The following HDGFL2 variants were observed in gnomAD, a reference collection of about 807,000 sequenced individuals.
The protein encoded by HDGFL2 is hepatoma-derived growth factor-related protein 2.
Under a neutral mutation model 77.1 loss-of-function variants are expected in HDGFL2, and 36 were observed. The ratio of observed to expected loss-of-function variants is 0.47; its 90% CI spans 0.36 to 0.62. The LOEUF (loss-of-function observed/expected upper bound fraction) is 0.62. Ranked by LOEUF, HDGFL2 falls within the 20% of genes least tolerant of loss-of-function variation. HDGFL2 has a pLI of 0.00. For missense variants in HDGFL2, 976 were observed against 973.4 expected (o/e 1.00, Z -0.04); for synonymous variants, 463 against 413.1 (o/e 1.12, Z -1.46).
At chr19:4,496,552 G>C in intron 10 of HDGFL2, 147 bp downstream of exon 10, 1 of 675,838 alleles carries the variant, frequency 1.5e-6, no homozygotes, top group Non-Finnish European at 2.6e-6. Flanking sequence ...GGTTGTGTGG[G>C]CTGCGTAGGA....
At chr19:4,474,298 C>T (rs906214222) in intron 1 of HDGFL2, among the ~76,000 whole-genome samples, 2 of 152,102 alleles carry the variant, frequency 1.3e-5, no homozygotes, top group African/African-American at 4.8e-5. Context: ...GATGGGTGGG[C>T]CTCGGAGGAC....
intron 3 of HDGFL2, among the ~76,000 whole-genome samples, chr19:4,480,848 CTTATTTTTTATTATTTT>C (rs933371983): frequency 6.6e-6 from 1 of 151,804 alleles, no homozygotes; most frequent in Non-Finnish European, 1.5e-5. Flanking sequence ...CCTCAGTTTC[CTTATTTTTTATTATTTT>C]TTATTTTTTT....
intron 3 of HDGFL2, among the ~76,000 whole-genome samples, chr19:4,487,618 A>G (rs1183540058): frequency 6.6e-6 from 1 of 152,110 alleles, no homozygotes; most frequent in Non-Finnish European, 1.5e-5. Context: ...ACGATTTGGA[A>G]TTGTCTGTGT....
intron 8 of HDGFL2, 24 bp downstream of exon 8, chr19:4,494,081 C>T (rs749059063): frequency 1.9e-6 from 3 of 1,560,204 alleles, no homozygotes; most frequent in Non-Finnish European, 2.6e-6. Context: ...CTGGGGTCCC[C>T]TCTGGCGGCT....
chr19:4,487,121 C>T (rs754913111), intron 3 of HDGFL2, among the ~76,000 whole-genome samples: 8 of 151,976 alleles, frequency 5.3e-5, no homozygotes, highest in East Asian at 1.9e-4. Flanking sequence ...CCCGCCACCA[C>T]GCCTGGCTAA....
chr19:4,473,712 G>T (rs1975002233), intron 1 of HDGFL2, among the ~76,000 whole-genome samples: 1 of 151,322 alleles, frequency 6.6e-6, no homozygotes, highest in Non-Finnish European at 1.5e-5. Context: ...ATGGGGCTCG[G>T]GGCTCTGTTC....
chr19:4,502,080 A>C lies in HDGFL2; in HGVS notation c.*70A>C. On this transcript the variant is annotated 3_prime_UTR_variant, in exon 16 of 16. Coordinates refer to ENST00000616600, the MANE Select transcript of HDGFL2 (RefSeq NM_001001520.3). ...CCTCTCCTTCCCCGGCTCGCAGGAGAGCAGAGCAGAGAACTGTGGGGAACG... is the reference window on the plus strand; with the variant it reads ...CCTCTCCTTCCCCGGCTCGCAGGAGCGCAGAGCAGAGAACTGTGGGGAACG... 1 of 1,089,480 alleles carries C rather than the reference A, an allele frequency of 9.2e-7. No homozygotes were observed. Among genetic ancestry groups the C allele is most frequent in the Non-Finnish European group, 1.4e-6 (1 of 739,218 alleles). The allele number at this position is 1,089,480 out of a possible 1,614,324, so 67.5% of individuals were successfully genotyped here. A position where few individuals can be genotyped will look rare whatever the true frequency, so the allele number is the denominator to read the frequency against.
At position 4,502,200 on chromosome 19, in the gene HDGFL2, T is replaced by C; in HGVS notation, c.*190T>C. 5 of 670,814 alleles carry C rather than the reference T, an allele frequency of 7.5e-6. No individual in the cohort carries two copies. Among genetic ancestry groups the C allele is most frequent in the Non-Finnish European group, 1.3e-5 (5 of 375,976 alleles). The allele number at this position is 670,814 out of a possible 1,614,324, so 41.6% of individuals were successfully genotyped here. On this transcript the variant is annotated 3_prime_UTR_variant, in exon 16 of 16. Coordinates refer to ENST00000616600, the MANE Select transcript of HDGFL2 (RefSeq NM_001001520.3). Reference sequence around the variant, plus strand: ...GAAATGACTATAAATGGTTTTTTAATGAAAAAAGAAATCACTTTTATTGGC... The same window carrying C: ...GAAATGACTATAAATGGTTTTTTAACGAAAAAAGAAATCACTTTTATTGGC...
intron 6 of HDGFL2, among the ~76,000 whole-genome samples, chr19:4,492,721 GGT>G (rs1036713696): frequency 1.8e-4 from 25 of 139,628 alleles, no homozygotes; most frequent in African/African-American, 6.0e-4. Flanking sequence ...TGTGGTGTGT[GGT>G]GTGTGTGGTG....
intron 4 of HDGFL2, among the ~76,000 whole-genome samples, chr19:4,489,317 G>C (rs1202436813): frequency 6.7e-6 from 1 of 150,360 alleles, no homozygotes; most frequent in African/African-American, 2.4e-5. Flanking sequence ...GCAGTGGCAC[G>C]ATCTTGGCTC....
At chr19:4,483,880 C>G (rs142953057) in intron 3 of HDGFL2, among the ~76,000 whole-genome samples, 10 of 148,698 alleles carry the variant, frequency 6.7e-5, no homozygotes, top group African/African-American at 1.0e-4. Flanking sequence ...ACCTCTGCCT[C>G]TCGTGTTCAA....
Position 4,502,055 on chromosome 19 carries a change from C to T in HDGFL2, c.*45C>T, listed in dbSNP as rs941283567. The T allele has an allele frequency of 9.0e-6, 12 of 1,334,196 alleles. No homozygotes were observed. Among genetic ancestry groups the T allele is most frequent in the East Asian group, 2.5e-5 (1 of 39,920 alleles). The allele number at this position is 1,334,196 out of a possible 1,614,324, so 82.6% of individuals were successfully genotyped here. On this transcript the variant is annotated 3_prime_UTR_variant, in exon 16 of 16. Transcript: ENST00000616600. ...AGCCCCCGCCCGAGCTCAGGCTGCCCCTCTCCTTCCCCGGCTCGCAGGAGA... is the reference window on the plus strand; with the variant it reads ...AGCCCCCGCCCGAGCTCAGGCTGCCTCTCTCCTTCCCCGGCTCGCAGGAGA...
intron 14 of HDGFL2, among the ~76,000 whole-genome samples, chr19:4,500,040 A>G (rs1040270366): frequency 2.7e-4 from 1 of 3,756 alleles, no homozygotes; most frequent in African/African-American, 8.8e-4. Flanking sequence ...CAGCGGGGGC[A>G]AAGAGTGGGG....
chr19:4,478,527 C>G (rs977672242), intron 3 of HDGFL2, among the ~76,000 whole-genome samples: 1 of 151,822 alleles, frequency 6.6e-6, no homozygotes, highest in Admixed American at 6.6e-5. Context: ...ACAGCCTTAG[C>G]GCAACTACTA....
intron 4 of HDGFL2, 76 bp downstream of exon 4, chr19:4,488,952 C>CTT (rs34663282): frequency 0.035 from 24,368 of 697,824 alleles, 421 homozygotes; most frequent in African/African-American, 0.1. Context: ...CTCTCCTGCC[C>CTT]TTTTTTTTTT....
intron 3 of HDGFL2, among the ~76,000 whole-genome samples, chr19:4,482,240 C>G (rs1052413236): frequency 6.6e-6 from 1 of 150,950 alleles, no homozygotes; most frequent in Non-Finnish European, 1.5e-5. Flanking sequence ...GATGGAGTCT[C>G]GCTCTGTTGC....
rs1369649320 is a variant in HDGFL2, at chr19:4,488,720, C to A, written c.333C>A (p.Ala111=). ...GCGAGGCCCCCGAGGCCAACCCCGC[C>A]GACGGCAGTGACGCTGACGAGGACG... ...SDSEAPEANP[A]DGSDADEDDE... is the part of the protein sequence containing the mutation. Residue 111 remains alanine, a synonymous_variant, in exon 4 of 16, where the codon GCC becomes GCA. Coordinates refer to ENST00000616600, the MANE Select transcript of HDGFL2 (RefSeq NM_001001520.3). 8 of 1,553,294 alleles carry A rather than the reference C, an allele frequency of 5.2e-6. No homozygotes were observed. The highest frequency in any genetic ancestry group is 1.2e-5 in the South Asian group (1 of 84,328).
intron 3 of HDGFL2, among the ~76,000 whole-genome samples, chr19:4,485,119 A>G (rs181791977): frequency 2.2e-4 from 33 of 152,194 alleles, no homozygotes; most frequent in Admixed American, 7.9e-4. Flanking sequence ...GATATTTTCA[A>G]CGCTTCACAA....
chr19:4,472,341 C>T lies in HDGFL2; in HGVS notation c.-10C>T. Reference sequence around the variant, plus strand: ...GCCGCTTTCCGCGGCCTGGGCCTCTCGCCGTCAGCATGCCACACGCCTTCA... The same window carrying T: ...GCCGCTTTCCGCGGCCTGGGCCTCTTGCCGTCAGCATGCCACACGCCTTCA... On this transcript the variant is annotated 5_prime_UTR_variant, in exon 1 of 16. Coordinates refer to ENST00000616600, the MANE Select transcript of HDGFL2 (RefSeq NM_001001520.3). 1 of 1,516,728 alleles carries T rather than the reference C, an allele frequency of 6.6e-7. No individual in the cohort carries two copies. The highest frequency in any genetic ancestry group is 8.8e-7 in the Non-Finnish European group (1 of 1,134,114). The allele number at this position is 1,516,728 out of a possible 1,614,324, so 94.0% of individuals were successfully genotyped here.
Sources: gnomAD v4.1 joint callset for allele counts (sites outside exome capture counted in the v4.1 genomes callset) on GRCh38, gnomAD v4.1.1 for gene constraint, MANE v1.5 for transcripts, NCBI Gene and HGNC (gene_info 2026-07-23, HGNC 2026-07-21) for gene names.